RBM20: variants seen among roughly 807,000 people sequenced by gnomAD.
RBM20 encodes RNA-binding protein 20.
A neutral mutation model predicts 110.1 loss-of-function variants in RBM20; 51 were observed. The observed-to-expected ratio is 0.46, with a 90% CI of 0.37 to 0.59. RBM20 has a LOEUF of 0.59. Among genes scored for constraint, RBM20 ranks in the 20% least tolerant of loss-of-function variants. The probability of loss-of-function intolerance (pLI) is 0.00; values close to 1 mark genes in which losing one functional copy is unlikely to be tolerated. For missense variants in RBM20, 1,512 were observed against 1,574.9 expected (o/e 0.96, Z 0.68); for synonymous variants, 589 against 618.2 (o/e 0.95, Z 0.70).
chr10:110,668,399 C>G (rs537593141), intron 1 of RBM20, among the ~76,000 whole-genome samples: 1 of 152,268 alleles, frequency 6.6e-6, no homozygotes, highest in East Asian at 1.9e-4. Context: ...AAAAACTAAC[C>G]AAACCAACCA....
chr10:110,768,115 A>G (rs1018232197), intron 1 of RBM20, among the ~76,000 whole-genome samples: 1 of 152,228 alleles, frequency 6.6e-6, no homozygotes, highest in Admixed American at 6.5e-5. Flanking sequence ...CTGCAATCGC[A>G]GGCACTCGGC....
At chr10:110,772,414 A>G (rs1844205477) in intron 1 of RBM20, among the ~76,000 whole-genome samples, 1 of 152,264 alleles carries the variant, frequency 6.6e-6, no homozygotes. Context: ...CGCGGGTCGC[A>G]TAATGATGTT....
upstream of RBM20, among the ~76,000 whole-genome samples, chr10:110,644,022 G>C (rs939265998): frequency 2.0e-5 from 3 of 152,182 alleles, no homozygotes; most frequent in African/African-American, 7.2e-5. The surrounding 1 kb of genome is among the most constrained non-coding windows in gnomAD (Gnocchi z 4.3). Context: ...CGCGGCGGCC[G>C]ACCGCGGGCT....
At chr10:110,827,493 G>C (rs202201108) in intron 12 of RBM20, among the ~76,000 whole-genome samples, 4 of 152,176 alleles carry the variant, frequency 2.6e-5, no homozygotes, top group East Asian at 1.9e-4. Context: ...TGTAGGAAAG[G>C]CTACATTTGT....
chr10:110,792,652 A>G (rs1231450895), intron 5 of RBM20, among the ~76,000 whole-genome samples: 1 of 152,198 alleles, frequency 6.6e-6, no homozygotes, highest in Non-Finnish European at 1.5e-5. Context: ...CACACTTGAC[A>G]TGAGTCTGTT....
intron 12 of RBM20, among the ~76,000 whole-genome samples, chr10:110,825,192 A>G (rs1461083581): frequency 1.3e-5 from 2 of 152,224 alleles, no homozygotes; most frequent in African/African-American, 2.4e-5. Context: ...GCCACCCTGC[A>G]GGAGAAGAGA....
At chr10:110,670,681 A>G (rs1480107692) in intron 1 of RBM20, among the ~76,000 whole-genome samples, 1 of 152,242 alleles carries the variant, frequency 6.6e-6, no homozygotes, top group Non-Finnish European at 1.5e-5. Flanking sequence ...CATCCCTGTT[A>G]CAGGTTTCCT....
intron 12 of RBM20, among the ~76,000 whole-genome samples, chr10:110,824,593 G>C (rs1037955481): frequency 2.6e-5 from 4 of 152,150 alleles, no homozygotes; most frequent in Non-Finnish European, 2.9e-5. Flanking sequence ...AGTGGGGAGG[G>C]AGTTTACTGA....
chr10:110,800,234 C>G (rs1007953565), intron 7 of RBM20, among the ~76,000 whole-genome samples: 1 of 152,168 alleles, frequency 6.6e-6, no homozygotes, highest in African/African-American at 2.4e-5. Context: ...AGGCATAAAC[C>G]CTTGAATACA....
At chr10:110,805,669 G>T (rs764134503) in intron 7 of RBM20, among the ~76,000 whole-genome samples, 2 of 152,226 alleles carry the variant, frequency 1.3e-5, no homozygotes, top group Non-Finnish European at 2.9e-5. Flanking sequence ...GACCTAGCCA[G>T]GTGCGGGCAG....
At chr10:110,759,035 A>G (rs887671319) in intron 1 of RBM20, among the ~76,000 whole-genome samples, 1 of 152,258 alleles carries the variant, frequency 6.6e-6, no homozygotes, top group Non-Finnish European at 1.5e-5. Context: ...TGCTCAACAA[A>G]GAACCTATTT....
chr10:110,725,844 G>C (rs367685200), intron 1 of RBM20, among the ~76,000 whole-genome samples: 1 of 152,334 alleles, frequency 6.6e-6, no homozygotes, highest in East Asian at 1.9e-4. Context: ...CATTGGTCAC[G>C]CCAGTTCTCT....
At chr10:110,651,347 G>T (rs1417457962) in intron 1 of RBM20, among the ~76,000 whole-genome samples, 1 of 152,146 alleles carries the variant, frequency 6.6e-6, no homozygotes, top group African/African-American at 2.4e-5. Context: ...AGAATATTTG[G>T]ATCAGTGACA....
At chr10:110,722,097 A>G (rs894865214) in intron 1 of RBM20, among the ~76,000 whole-genome samples, 1 of 152,164 alleles carries the variant, frequency 6.6e-6, no homozygotes, top group Admixed American at 6.5e-5. Context: ...CTTAGAAATC[A>G]TGATTTCTTT....
chr10:110,658,961 C>T (rs971751847), intron 1 of RBM20, among the ~76,000 whole-genome samples: 4 of 152,210 alleles, frequency 2.6e-5, no homozygotes, highest in Non-Finnish European at 5.9e-5. Flanking sequence ...GTGCTCTCCT[C>T]TTGCTTGTCT....
At chr10:110,772,700 G>A (rs1357743926) in intron 1 of RBM20, among the ~76,000 whole-genome samples, 6 of 152,288 alleles carry the variant, frequency 3.9e-5, no homozygotes, top group Admixed American at 1.3e-4. Context: ...TGTCTCTATT[G>A]TTAAGCAGCA....
chr10:110,822,059 G>A (rs1191125724), intron 11 of RBM20, 124 bp downstream of exon 11: 6 of 976,948 alleles, frequency 6.1e-6, no homozygotes, highest in Non-Finnish European at 7.8e-6. Flanking sequence ...TAAAGTGGGT[G>A]CAGAAAGTGA....
intron 1 of RBM20, among the ~76,000 whole-genome samples, chr10:110,662,911 C>T (rs1443367599): frequency 1.3e-5 from 2 of 152,166 alleles, no homozygotes; most frequent in African/African-American, 4.8e-5. Flanking sequence ...TCTGGCCCCT[C>T]TGGTCACTGA....
chr10:110,645,211 TG>T (rs1861852335), intron 1 of RBM20, among the ~76,000 whole-genome samples: 1 of 152,212 alleles, frequency 6.6e-6, no homozygotes, highest in South Asian at 2.1e-4. Flanking sequence ...TACCATCTTG[TG>T]ACTCGGGTGA....
Sources: gnomAD v4.1 joint callset for allele counts (sites outside exome capture counted in the v4.1 genomes callset) on GRCh38, gnomAD v4.1.1 for gene constraint, Gnocchi (gnomAD v3.1) non-coding constraint, MANE v1.5 for transcripts, NCBI Gene and HGNC (gene_info 2026-07-23, HGNC 2026-07-21) for gene names.